CNTNAP3B: variants seen among roughly 807,000 people sequenced by gnomAD.
The protein encoded by CNTNAP3B is contactin associated protein family member 3B, also known as contactin-associated protein-like 3B.
CNTNAP3B carries 25 observed loss-of-function variants against 108.9 expected under a neutral mutation model. That is an observed-to-expected ratio of 0.23 (90% confidence interval 0.17 to 0.32). The LOEUF (loss-of-function observed/expected upper bound fraction) is 0.32. Ranked by LOEUF, CNTNAP3B falls within the 10% of genes least tolerant of loss-of-function variation. The pLI, the probability that CNTNAP3B is intolerant of heterozygous loss-of-function variation, is 1.00. For missense variants in CNTNAP3B, 252 were observed against 1,210.4 expected (o/e 0.21, Z 11.75); for synonymous variants, 103 against 473.4 (o/e 0.22, Z 10.16).
intron 2 of CNTNAP3B, among the ~76,000 whole-genome samples, chr9:42,082,826 C>T (rs985858882): frequency 2.1e-5 from 3 of 140,974 alleles, no homozygotes; most frequent in Non-Finnish European, 3.1e-5. Flanking sequence ...AGATGTTAGA[C>T]TTAAAATTAA....
rs193244202 is a variant in CNTNAP3B at position 41,975,075 on chromosome 9, G to A, written c.1478-4830C>T. ...CCTCACTAACGTGGTGGGAACGGTG[G>A]TGCACAACATCATGCAGAAGCGCGG... On this transcript the variant is annotated intron_variant, in intron 9 of 23. Transcript: ENST00000377561. 3.6e-5 allele frequency: 8 copies of A among 224,168 alleles called. 1 individual carries two copies. Among genetic ancestry groups the A allele is most frequent in the Admixed American group, 2.3e-4 (4 of 17,378 alleles). The allele number at this position is 224,168 out of a possible 1,614,324, so 13.9% of individuals were successfully genotyped here. A position where few individuals can be genotyped will look rare whatever the true frequency, so the allele number is the denominator to read the frequency against.
At chr9:42,031,140 A>C (rs1243427923) in intron 3 of CNTNAP3B, among the ~76,000 whole-genome samples, 1 of 78,300 alleles carries the variant, frequency 1.3e-5, no homozygotes, top group Non-Finnish European at 2.5e-5. Flanking sequence ...TTTTTAAACC[A>C]ACTCTTCCTG....
chr9:42,064,654 A>G (rs1197280252), intron 3 of CNTNAP3B, among the ~76,000 whole-genome samples: 1 of 120,546 alleles, frequency 8.3e-6, no homozygotes, highest in Non-Finnish European at 1.7e-5. Flanking sequence ...CCATCCTTAT[A>G]TCCATGAGTT....
At chr9:41,944,807 G>A (rs1361159138) in intron 13 of CNTNAP3B, among the ~76,000 whole-genome samples, 2 of 152,414 alleles carry the variant, frequency 1.3e-5, no homozygotes, top group Middle Eastern at 3.4e-3. Context: ...CACAGCAAAA[G>A]AAACTACCAT....
At chr9:41,958,104 CT>C (rs1824927910) in intron 12 of CNTNAP3B, among the ~76,000 whole-genome samples, 1 of 152,190 alleles carries the variant, frequency 6.6e-6, no homozygotes, top group African/African-American at 2.4e-5. Flanking sequence ...TTGCCTTGAA[CT>C]TTTTTCTTTT....
chr9:41,930,982 T>G (rs1301082942), intron 14 of CNTNAP3B, among the ~76,000 whole-genome samples: 2 of 152,278 alleles, frequency 1.3e-5, no homozygotes, highest in African/African-American at 4.8e-5. Flanking sequence ...ATGTCTCAAC[T>G]GCATGTATAT....
intron 14 of CNTNAP3B, among the ~76,000 whole-genome samples, chr9:41,931,099 T>C: frequency 6.6e-6 from 1 of 152,416 alleles, no homozygotes; most frequent in East Asian, 1.9e-4. Context: ...CCTTCTTTTG[T>C]ATGCATTTGT....
intron 3 of CNTNAP3B, among the ~76,000 whole-genome samples, chr9:42,028,958 T>C (rs1409668380): frequency 6.6e-6 from 1 of 151,434 alleles, no homozygotes. Flanking sequence ...GTCGGCAATA[T>C]TGCTAAACCA....
At chr9:41,926,385 G>T (rs1288007704) in intron 15 of CNTNAP3B, among the ~76,000 whole-genome samples, 2 of 152,306 alleles carry the variant, frequency 1.3e-5, no homozygotes, top group African/African-American at 2.4e-5. Flanking sequence ...GATAAGGAAA[G>T]GAAAAGAGAA....
chr9:42,068,110 G>T (rs1327867793), intron 3 of CNTNAP3B, among the ~76,000 whole-genome samples: 1 of 127,998 alleles, frequency 7.8e-6, no homozygotes, highest in East Asian at 2.4e-4. Flanking sequence ...ATTTGTCAAT[G>T]TCACTGATTT....
intron 13 of CNTNAP3B, among the ~76,000 whole-genome samples, chr9:41,938,738 A>G (rs1238268712): frequency 3.9e-5 from 6 of 152,272 alleles, no homozygotes; most frequent in African/African-American, 9.6e-5. Flanking sequence ...CACACTAAAG[A>G]TAAAATCTAT....
chr9:42,024,650 T>G (rs1587207986), intron 3 of CNTNAP3B, among the ~76,000 whole-genome samples: 1 of 91,138 alleles, frequency 1.1e-5, no homozygotes, highest in African/African-American at 4.4e-5. Context: ...AATTACAGAA[T>G]ACATGGCTCC....
chr9:41,930,951 T>C (rs1419955673), intron 14 of CNTNAP3B, among the ~76,000 whole-genome samples: 23 of 152,398 alleles, frequency 1.5e-4, no homozygotes, highest in Admixed American at 1.1e-3. Context: ...TATATACTTT[T>C]GGTTATATTT....
chr9:42,125,638 A>T (rs1308983714), intron 1 of CNTNAP3B, among the ~76,000 whole-genome samples: 1 of 137,700 alleles, frequency 7.3e-6, no homozygotes, highest in African/African-American at 2.9e-5. Context: ...GGTGAAAATG[A>T]ATAAAGGCAT....
intron 4 of CNTNAP3B, among the ~76,000 whole-genome samples, chr9:42,002,977 C>G (rs1441507525): frequency 8.2e-6 from 1 of 122,160 alleles, no homozygotes; most frequent in Non-Finnish European, 1.7e-5. Context: ...GCCTTGAACT[C>G]CTGGGCTCAA....
At chr9:42,012,275 G>C (rs1486275178) in intron 4 of CNTNAP3B, among the ~76,000 whole-genome samples, 1 of 118,098 alleles carries the variant, frequency 8.5e-6, no homozygotes, top group Non-Finnish European at 1.8e-5. Context: ...ACAGTTATAG[G>C]TCCCAGAAAA....
intron 18 of CNTNAP3B, among the ~76,000 whole-genome samples, chr9:41,919,785 A>G (rs1823618879): frequency 6.6e-6 from 1 of 152,308 alleles, no homozygotes; most frequent in African/African-American, 2.4e-5. Context: ...CAGTACAAGG[A>G]CAGAGTTTTG....
In CNTNAP3B at chr9:42,026,473, G is replaced by T. The variant is rs563606059; in HGVS notation, c.391-12948C>A. 1.0e-4 allele frequency among the ~76,000 whole-genome samples: 9 copies of T among 90,322 alleles called. 1 individual carries two copies. The South Asian group carries it at 3.1e-3, about 31-fold the overall frequency. 59.3% of individuals were successfully genotyped at this position (90,322 alleles called of 152,430 possible). A position where few individuals can be genotyped will look rare whatever the true frequency, so the allele number is the denominator to read the frequency against. ...ATGGTGGCAGGCGCCTGCAGTCCCA[G>T]CTACTCAGGAGGCCGAGGCAGGAGA... On this transcript the variant is annotated intron_variant, in intron 3 of 23. Coordinates refer to ENST00000377561, the MANE Select transcript of CNTNAP3B (RefSeq NM_001201380.3).
intron 14 of CNTNAP3B, among the ~76,000 whole-genome samples, chr9:41,932,886 C>A (rs1824024679): frequency 6.6e-6 from 1 of 152,278 alleles, no homozygotes. Flanking sequence ...ACATCTAACC[C>A]ACTTAAAAAA....
Sources: gnomAD v4.1 joint callset for allele counts (sites outside exome capture counted in the v4.1 genomes callset) on GRCh38, gnomAD v4.1.1 for gene constraint, MANE v1.5 for transcripts, NCBI Gene and HGNC (gene_info 2026-07-23, HGNC 2026-07-21) for gene names.